PACRG: variants seen among roughly 807,000 people sequenced by gnomAD.
The protein encoded by PACRG is parkin coregulated gene protein.
Under a neutral mutation model 29.7 loss-of-function variants are expected in PACRG, and 29 were observed. The observed-to-expected ratio is 0.98, with a 90% CI of 0.73 to 1.33. The LOEUF (loss-of-function observed/expected upper bound fraction) is 1.33, where lower values mean the gene tolerates loss of function less well. PACRG is among the 40% of genes most tolerant of loss of function. The pLI is 0.00. For synonymous variants in PACRG, 116 were observed against 118.7 expected (o/e 0.98, Z 0.15); for missense variants, 279 against 316.2 (o/e 0.88, Z 0.89).
At chr6:162,944,743 G>A (rs1193089388) in intron 2 of PACRG, among the ~76,000 whole-genome samples, 3 of 151,812 alleles carry the variant, frequency 2.0e-5, no homozygotes, top group African/African-American at 4.8e-5. Context: ...TTTCAAAATC[G>A]GGAGACAGGT....
intron 4 of PACRG, among the ~76,000 whole-genome samples, chr6:163,113,379 A>G (rs1386144966): frequency 6.6e-6 from 1 of 152,316 alleles, no homozygotes; most frequent in East Asian, 1.9e-4. Context: ...GATGAAAGCC[A>G]TGAATGTAAA....
intron 2 of PACRG, among the ~76,000 whole-genome samples, chr6:162,876,079 G>A (rs1019194936): frequency 1.3e-5 from 2 of 152,170 alleles, no homozygotes; most frequent in Non-Finnish European, 2.9e-5. Flanking sequence ...AACCATGCAT[G>A]CTTCCCGGGT....
At chr6:162,882,514 A>C (rs1793977513) in intron 2 of PACRG, among the ~76,000 whole-genome samples, 2 of 152,210 alleles carry the variant, frequency 1.3e-5, no homozygotes, top group Non-Finnish European at 2.9e-5. Context: ...AAGAATTACA[A>C]AATGCCTTGG....
intron 2 of PACRG, among the ~76,000 whole-genome samples, chr6:162,826,446 A>ATTTTTCTTTTTTCT: frequency 6.7e-6 from 1 of 148,562 alleles, no homozygotes; most frequent in Non-Finnish European, 1.5e-5. Flanking sequence ...TGGAGTAAAG[A>ATTTTTCTTTTTTCT]TTTTTCTTTT....
chr6:163,179,204 C>G (rs1485707498), intron 4 of PACRG: 1 of 455,946 alleles, frequency 2.2e-6, no homozygotes, highest in Non-Finnish European at 4.4e-6. Flanking sequence ...ACATGTGCGT[C>G]TTATCTTGGA....
At chr6:163,066,495 G>A (rs957421945) in intron 3 of PACRG, among the ~76,000 whole-genome samples, 2 of 152,178 alleles carry the variant, frequency 1.3e-5, no homozygotes, top group African/African-American at 4.8e-5. Flanking sequence ...CTAAATAGTG[G>A]AGGGAAAAGA....
chr6:162,984,756 T>G (rs774274657), intron 2 of PACRG, among the ~76,000 whole-genome samples: 1 of 152,040 alleles, frequency 6.6e-6, no homozygotes, highest in Non-Finnish European at 1.5e-5. Flanking sequence ...TTCCACAATA[T>G]TAGTGATTTT....
At chr6:163,286,712 C>T (rs975083861) in intron 4 of PACRG, among the ~76,000 whole-genome samples, 5 of 152,158 alleles carry the variant, frequency 3.3e-5, no homozygotes, top group Non-Finnish European at 5.9e-5. Flanking sequence ...AGTTCCATAT[C>T]GTCCCTTCCT....
At chr6:162,817,830 C>T (rs763994332) in intron 2 of PACRG, among the ~76,000 whole-genome samples, 1 of 152,070 alleles carries the variant, frequency 6.6e-6, no homozygotes, top group Non-Finnish European at 1.5e-5. Flanking sequence ...AAACGGGACT[C>T]ATCTGTGGAT....
chr6:162,904,010 G>A (rs1252452088), intron 2 of PACRG, among the ~76,000 whole-genome samples: 1 of 152,172 alleles, frequency 6.6e-6, no homozygotes, highest in Non-Finnish European at 1.5e-5. Flanking sequence ...AATAAGTGTT[G>A]ATGCTGCACT....
intron 1 of PACRG, among the ~76,000 whole-genome samples, chr6:162,790,802 G>C (rs1784872720): frequency 6.6e-6 from 1 of 152,160 alleles, no homozygotes; most frequent in African/African-American, 2.4e-5. Context: ...ATCCCGCTAT[G>C]TATCAAAGGA....
At chr6:162,864,512 T>C (rs1263766040) in intron 2 of PACRG, among the ~76,000 whole-genome samples, 1 of 152,194 alleles carries the variant, frequency 6.6e-6, no homozygotes, top group Non-Finnish European at 1.5e-5. Flanking sequence ...ACAGATGTTC[T>C]TTCTTCCTGC....
At chr6:162,911,633 T>C (rs985977310) in intron 2 of PACRG, among the ~76,000 whole-genome samples, 4 of 152,250 alleles carry the variant, frequency 2.6e-5, no homozygotes, top group Admixed American at 6.5e-5. Flanking sequence ...TAACCAGAAG[T>C]AGAGGGTCTG....
At chr6:163,241,222 T>A (rs1373189491) in intron 4 of PACRG, among the ~76,000 whole-genome samples, 10 of 152,172 alleles carry the variant, frequency 6.6e-5, no homozygotes, top group Admixed American at 6.5e-4. Context: ...AACAGTTTAA[T>A]TTAAATTTAT....
chr6:163,165,110 G>A (rs1037681736), intron 4 of PACRG, among the ~76,000 whole-genome samples: 4 of 152,144 alleles, frequency 2.6e-5, no homozygotes, highest in African/African-American at 9.7e-5. Flanking sequence ...ACTCTACCAA[G>A]GACACGCATG....
chr6:162,727,476 A>G (rs988827298), upstream of PACRG, among the ~76,000 whole-genome samples: 5 of 151,130 alleles, frequency 3.3e-5, no homozygotes, highest in African/African-American at 7.3e-5. Flanking sequence ...GAACGCACAC[A>G]CTGGGGCCCC....
intron 1 of PACRG, among the ~76,000 whole-genome samples, chr6:162,732,615 C>T (rs1779855846): frequency 6.6e-6 from 1 of 152,156 alleles, no homozygotes. Flanking sequence ...AAAATAATTA[C>T]AATACAAATA....
chr6:162,842,035 A>G (rs1213464564), intron 2 of PACRG, among the ~76,000 whole-genome samples: 2 of 150,568 alleles, frequency 1.3e-5, no homozygotes, highest in African/African-American at 4.9e-5. Flanking sequence ...CAATTTTAGA[A>G]TAGGTGTGGT....
intron 4 of PACRG, among the ~76,000 whole-genome samples, chr6:163,228,506 T>C (rs897296626): frequency 2.6e-5 from 4 of 152,114 alleles, no homozygotes; most frequent in Non-Finnish European, 5.9e-5. Flanking sequence ...GGCGGTCAGT[T>C]TATGACAAAT....
Sources: allele counts gnomAD v4.1 joint callset (sites outside exome capture counted in the v4.1 genomes callset), GRCh38; gene constraint gnomAD v4.1.1; transcripts MANE v1.5; gene names NCBI Gene and HGNC (gene_info 2026-07-23, HGNC 2026-07-21).